Variants in INCENP observed in about 807,000 individuals in gnomAD.
INCENP encodes the protein inner centromere protein.
INCENP carries 43 observed loss-of-function variants against 107.3 expected under a neutral mutation model. The observed-to-expected ratio is 0.40, with a 90% confidence interval of 0.31 to 0.52. The LOEUF (loss-of-function observed/expected upper bound fraction) is 0.52, where lower values mean the gene tolerates loss of function less well. INCENP is among the 20% of genes least tolerant of loss of function. The pLI is 0.53. For synonymous variants in INCENP, 488 were observed against 494.4 expected, an observed-to-expected ratio of 0.99 and a Z score of 0.17; for missense variants, 1,089 against 1,250.9, an observed-to-expected ratio of 0.87 and a Z score of 1.95.
At chr11:62,133,096 G>A (rs1197716219) in intron 4 of INCENP, among the ~76,000 whole-genome samples, 4 of 152,134 alleles carry the variant, frequency 2.6e-5, no homozygotes, top group Non-Finnish European at 5.9e-5. Flanking sequence ...GACAGGGGAG[G>A]AGGCTTCCTG....
rs770561831 is a variant in INCENP, at chr11:62,148,820, G to GC, written c.2368dup (p.Leu790ProfsTer32). The GC allele has an allele frequency of 6.2e-7, 1 of 1,608,038 alleles. No individual in the cohort carries two copies. The highest frequency in any genetic ancestry group is 8.5e-7 in the Non-Finnish European group (1 of 1,177,632). On this transcript the variant is annotated frameshift_variant, in exon 17 of 19. Coordinates refer to ENST00000394818, the MANE Select transcript of INCENP (RefSeq NM_001040694.2). LOFTEE classifies it high-confidence loss of function. ...CAAGGAGGCAGCAGGGGCCAGCAAGGCCCTGAATGTGACTGTGGACGTGCA... is the reference window on the plus strand; with the variant it reads ...CAAGGAGGCAGCAGGGGCCAGCAAGGCCCCTGAATGTGACTGTGGACGTGCA...
At chr11:62,140,874 C>T in intron 9 of INCENP, 39 bp from the exon 10 acceptor site, 1 of 1,613,734 alleles carries the variant, frequency 6.2e-7, no homozygotes, top group African/African-American at 1.3e-5. Context: ...CAGTACCCTG[C>T]CCCGCCTGCC....
chr11:62,146,555 G>T, intron 14 of INCENP, 103 bp from the exon 15 acceptor site: 1 of 1,489,800 alleles, frequency 6.7e-7, no homozygotes, highest in Non-Finnish European at 9.0e-7. Context: ...GTCCGTGGTG[G>T]TGGCTGATAT....
Position 62,152,770 on chromosome 11 carries a change from C to T in INCENP, c.*794C>T, listed in dbSNP as rs1206499944. 6.6e-6 allele frequency: 1 copy of T among 152,210 alleles called. No individual in the cohort carries two copies. Among genetic ancestry groups the T allele is most frequent in the Admixed American group, 6.5e-5 (1 of 15,278 alleles). 9.4% of individuals were successfully genotyped at this position (152,210 alleles called of 1,614,324 possible). On this transcript the variant is annotated 3_prime_UTR_variant, in exon 19 of 19. Coordinates refer to ENST00000394818, the MANE Select transcript of INCENP (RefSeq NM_001040694.2). ...AGAAAAGGGGTATCCCTTGAGACCA[C>T]CTTGGGACCAGTGCTTGCAAGCAGC...
At chr11:62,130,791 T>C (rs1268729216) in intron 4 of INCENP, among the ~76,000 whole-genome samples, 1 of 152,240 alleles carries the variant, frequency 6.6e-6, no homozygotes, top group Non-Finnish European at 1.5e-5. Flanking sequence ...CTAGTGTGAT[T>C]GAGGAACTGA....
chr11:62,149,222 C>A (rs1250004158), intron 17 of INCENP, among the ~76,000 whole-genome samples: 1 of 151,956 alleles, frequency 6.6e-6, no homozygotes, highest in African/African-American at 2.4e-5. Context: ...TGGGCACATA[C>A]CATTTGGTGG....
chr11:62,130,568 A>T lies in INCENP; in HGVS notation c.1041A>T (p.Pro347=), dbSNP rs1943871555. ...TTGCCAAGAAGACTGCCGAAGAGCC[A>T]GCTGCCTCTGGCCGCATCATCTGTG... ...RRLAKKTAEE[P]AASGRIICHS... The change falls in exon 4 of 19, where the codon CCA becomes CCT. Residue 347 remains proline, a synonymous_variant. Coordinates refer to ENST00000394818, the MANE Select transcript of INCENP (RefSeq NM_001040694.2). 4 of 1,612,972 alleles carry T rather than the reference A, an allele frequency of 2.5e-6. No homozygotes were observed. In the East Asian group the frequency reaches 8.9e-5, roughly 36 times the overall value.
chr11:62,124,954 C>T (rs1477783860), intron 1 of INCENP, among the ~76,000 whole-genome samples: 2 of 152,242 alleles, frequency 1.3e-5, no homozygotes, highest in Non-Finnish European at 2.9e-5. Context: ...GCGCTTTCTG[C>T]ACAGAGGTGT....
chr11:62,145,804 C>T, intron 14 of INCENP, 53 bp downstream of exon 14: 1 of 1,528,336 alleles, frequency 6.5e-7, no homozygotes, highest in Non-Finnish European at 8.8e-7. Context: ...GGCGCTGTCT[C>T]AGCACCATGG....
chr11:62,148,198 T>C (rs1377916540), intron 15 of INCENP, among the ~76,000 whole-genome samples: 2 of 152,166 alleles, frequency 1.3e-5, no homozygotes, highest in Non-Finnish European at 2.9e-5. Flanking sequence ...ATGGTCTCCA[T>C]TGTATAAAAG....
At chr11:62,148,111 C>T (rs767534664) in intron 15 of INCENP, among the ~76,000 whole-genome samples, 2 of 152,090 alleles carry the variant, frequency 1.3e-5, no homozygotes, top group Non-Finnish European at 2.9e-5. Flanking sequence ...CCAGTGTCTG[C>T]CCTGAAGGTT....
chr11:62,140,020 C>T (rs1200694423), intron 7 of INCENP, among the ~76,000 whole-genome samples: 1 of 152,012 alleles, frequency 6.6e-6, no homozygotes, highest in Non-Finnish European at 1.5e-5. Flanking sequence ...CTCAAGGATC[C>T]GCCCACCTTG....
chr11:62,146,345 A>T (rs1171735744), intron 14 of INCENP, among the ~76,000 whole-genome samples: 1 of 152,262 alleles, frequency 6.6e-6, no homozygotes. Flanking sequence ...GAATAACTGC[A>T]GTCTCCATTT....
At chr11:62,145,392 C>G in intron 13 of INCENP, 103 bp downstream of exon 13, 1 of 1,519,078 alleles carries the variant, frequency 6.6e-7, no homozygotes, top group Non-Finnish European at 8.9e-7. Flanking sequence ...ACCCCTGTAC[C>G]CATCTCCTGT....
At position 62,146,787 on chromosome 11, in the gene INCENP, C is replaced by G; in HGVS notation, c.2089C>G (p.Arg697Gly). ...GGAGCAGGAGCGGCGGGAGCAGGAG[C>G]GGCGCGAGCAGGAGCGGCGCGAGCA... ...QREQERREQE[R>G]REQERREQER... The change falls in exon 15 of 19, where the codon CGG becomes GGG. Residue 697 changes from arginine to glycine, a missense_variant. By Grantham distance (125) the Arg-to-Gly change is moderately radical. Coordinates refer to ENST00000394818, the MANE Select transcript of INCENP (RefSeq NM_001040694.2). The G allele has an allele frequency of 6.5e-7, 1 of 1,529,106 alleles. No homozygotes were observed. The highest frequency in any genetic ancestry group is 8.8e-7 in the Non-Finnish European group (1 of 1,134,932). 94.7% of individuals were successfully genotyped at this position (1,529,106 alleles called of 1,614,324 possible).
At chr11:62,136,175 A>G (rs1259458361) in intron 4 of INCENP, among the ~76,000 whole-genome samples, 2 of 152,208 alleles carry the variant, frequency 1.3e-5, no homozygotes, top group Non-Finnish European at 2.9e-5. Context: ...TTGTGAAAAA[A>G]TGTCTTCCAG....
chr11:62,124,357 C>A (rs1943705453), intron 1 of INCENP, among the ~76,000 whole-genome samples, 194 bp downstream of exon 1: 1 of 152,228 alleles, frequency 6.6e-6, no homozygotes, highest in African/African-American at 2.4e-5. Flanking sequence ...TGCCTCCCAC[C>A]CTTTCCACCT....
chr11:62,126,820 A>G (rs898851745), intron 1 of INCENP, among the ~76,000 whole-genome samples: 3 of 99,040 alleles, frequency 3.0e-5, no homozygotes, highest in Non-Finnish European at 8.0e-5. Flanking sequence ...TATAACACCT[A>G]ATATGATGTA....
chr11:62,138,396 C>A (rs1296178244), intron 5 of INCENP, among the ~76,000 whole-genome samples: 1 of 152,242 alleles, frequency 6.6e-6, no homozygotes, highest in Non-Finnish European at 1.5e-5. Flanking sequence ...GAACAGACCA[C>A]AAAAGAGATG....
Sources: gnomAD v4.1 joint callset for allele counts (sites outside exome capture counted in the v4.1 genomes callset) on GRCh38, gnomAD v4.1.1 for gene constraint, MANE v1.5 for transcripts, NCBI Gene and HGNC (gene_info 2026-07-23, HGNC 2026-07-21) for gene names.